NFIB: variants seen among roughly 807,000 people sequenced by gnomAD.
The protein encoded by NFIB is nuclear factor 1 B-type.
A neutral mutation model predicts 61.5 loss-of-function variants in NFIB; 11 were observed. The observed-to-expected ratio is 0.18, with a 90% CI of 0.11 to 0.30. The LOEUF (loss-of-function observed/expected upper bound fraction) is 0.30, where lower values mean the gene tolerates loss of function less well. NFIB is among the 10% of genes least tolerant of loss of function. NFIB has a pLI of 1.00. For synonymous variants in NFIB, 260 were observed against 216.5 expected (o/e 1.20, Z -1.76); for missense variants, 471 against 608.9 (o/e 0.77, Z 2.38).
At chr9:14,265,719 C>T (rs770593130) in intron 2 of NFIB, among the ~76,000 whole-genome samples, 7 of 152,208 alleles carry the variant, frequency 4.6e-5, no homozygotes, top group Non-Finnish European at 1.0e-4. Flanking sequence ...CAGTTATTCA[C>T]TTAACAAACA....
intron 2 of NFIB, among the ~76,000 whole-genome samples, chr9:14,268,000 C>T (rs1257428400): frequency 2.0e-5 from 3 of 151,728 alleles, no homozygotes; most frequent in East Asian, 3.9e-4. Flanking sequence ...GGCATGATGG[C>T]GGGTGCCTGT....
intron 2 of NFIB, among the ~76,000 whole-genome samples, chr9:14,270,335 G>T (rs538166079): frequency 1.3e-5 from 2 of 151,990 alleles, no homozygotes; most frequent in African/African-American, 4.8e-5. Flanking sequence ...TACTGCTTGT[G>T]GCACATAGTC....
chr9:14,194,272 C>G (rs1232929783), intron 2 of NFIB, among the ~76,000 whole-genome samples: 2 of 152,140 alleles, frequency 1.3e-5, no homozygotes, highest in African/African-American at 4.8e-5. Flanking sequence ...TGTTTTCCCA[C>G]CACCCTTTAC....
At chr9:14,420,544 A>T in the NFIB span, among the ~76,000 whole-genome samples, 63 of 150,040 alleles carry the variant, frequency 4.2e-4, no homozygotes, top group African/African-American at 1.5e-3. Context: ...CATTCCTCCC[A>T]CTCCTTATCT....
At chr9:14,423,740 G>A in the NFIB span, among the ~76,000 whole-genome samples, 2 of 152,302 alleles carry the variant, frequency 1.3e-5, no homozygotes, top group Non-Finnish European at 1.5e-5. Context: ...GAACTTTCCT[G>A]TTGATCCCAA....
At chr9:14,430,969 C>T in the NFIB span, among the ~76,000 whole-genome samples, 61 of 152,136 alleles carry the variant, frequency 4.0e-4, no homozygotes, top group African/African-American at 8.4e-4. Flanking sequence ...ACAGGTATTA[C>T]GTTTGGTATA....
intron 2 of NFIB, among the ~76,000 whole-genome samples, chr9:14,245,308 C>T (rs1447414569): frequency 6.6e-6 from 1 of 152,190 alleles, no homozygotes; most frequent in Non-Finnish European, 1.5e-5. Context: ...CTCCTTCTTT[C>T]TATTCCTACC....
chr9:14,522,943 G>A, the NFIB span, among the ~76,000 whole-genome samples: 7 of 152,144 alleles, frequency 4.6e-5, no homozygotes, highest in African/African-American at 1.4e-4. Flanking sequence ...GAGTGTTTGG[G>A]AGCAAAAATA....
the NFIB span, among the ~76,000 whole-genome samples, chr9:14,476,245 TG>T: frequency 1.3e-5 from 2 of 151,592 alleles, no homozygotes; most frequent in Non-Finnish European, 2.9e-5. Context: ...CTAAGCTTTT[TG>T]TTTTTTTTTT....
chr9:14,393,670 T>C (rs1375730392), intron 1 of NFIB, among the ~76,000 whole-genome samples: 2 of 152,198 alleles, frequency 1.3e-5, no homozygotes, highest in Non-Finnish European at 2.9e-5. Flanking sequence ...TCAAATGAGC[T>C]TGCCTACCAG....
At chr9:14,122,053 T>C (rs1408982975) in intron 7 of NFIB, among the ~76,000 whole-genome samples, 2 of 152,084 alleles carry the variant, frequency 1.3e-5, no homozygotes, top group East Asian at 3.9e-4. Flanking sequence ...TAATAGGAAA[T>C]TATAAACGAT....
At chr9:14,138,280 C>T (rs2041297534) in intron 6 of NFIB, among the ~76,000 whole-genome samples, 2 of 152,090 alleles carry the variant, frequency 1.3e-5, no homozygotes, top group South Asian at 4.1e-4. Context: ...TCTTGTTTTC[C>T]ATGTTTCATT....
At chr9:14,491,090 C>T in the NFIB span, among the ~76,000 whole-genome samples, 1 of 152,092 alleles carries the variant, frequency 6.6e-6, no homozygotes, top group Non-Finnish European at 1.5e-5. Flanking sequence ...GGTTTTAAAT[C>T]CTGGCTTTCC....
At chr9:14,341,304 C>T (rs529482349) in intron 1 of NFIB, among the ~76,000 whole-genome samples, 1 of 152,032 alleles carries the variant, frequency 6.6e-6, no homozygotes, top group South Asian at 2.1e-4. Flanking sequence ...GTACCTGGTG[C>T]GTGGGAGTTG....
Position 14,174,989 on chromosome 9 carries a change from G to A in NFIB, c.616+4738C>T, listed in dbSNP as rs577839159. ...AAATCAAGCAAATATCGGCTCTAGT[G>A]ATCTCAACAGATGAACAAATGACAA... On this transcript the variant is annotated intron_variant, in intron 3 of 10. Transcript: ENST00000380953. Among the ~76,000 whole-genome samples, 4 of 151,966 alleles carry A rather than the reference G, an allele frequency of 2.6e-5. No homozygotes were observed. The East Asian group carries it at 7.7e-4, about 29-fold the overall frequency.
chr9:14,237,405 G>C (rs2053844188), intron 2 of NFIB, among the ~76,000 whole-genome samples: 1 of 152,082 alleles, frequency 6.6e-6, no homozygotes. Context: ...CACCCAAAAA[G>C]TGCCGAAGGC....
intron 1 of NFIB, among the ~76,000 whole-genome samples, chr9:14,356,276 C>G (rs1371026991): frequency 6.6e-6 from 1 of 152,132 alleles, no homozygotes; most frequent in Non-Finnish European, 1.5e-5. Context: ...AAAAGAAAGG[C>G]ACAGATACTC....
chr9:14,457,160 A>G, the NFIB span, among the ~76,000 whole-genome samples: 1 of 152,222 alleles, frequency 6.6e-6, no homozygotes, highest in Non-Finnish European at 1.5e-5. Flanking sequence ...TAAGTACAGC[A>G]TTTCTATGGA....
At chr9:14,365,685 A>G (rs1356072672) in intron 1 of NFIB, among the ~76,000 whole-genome samples, 1 of 152,226 alleles carries the variant, frequency 6.6e-6, no homozygotes, top group Non-Finnish European at 1.5e-5. Flanking sequence ...TGTTCTAGGA[A>G]GAATTCATCC....
Sources: allele counts gnomAD v4.1 joint callset (sites outside exome capture counted in the v4.1 genomes callset), GRCh38; gene constraint gnomAD v4.1.1; transcripts MANE v1.5; gene names NCBI Gene and HGNC (gene_info 2026-07-23, HGNC 2026-07-21).